Variants in MDN1 observed in about 807,000 individuals in gnomAD.
The protein encoded by MDN1 is midasin AAA ATPase 1, also known as midasin.
MDN1 carries 266 observed loss-of-function variants against 669.2 expected under a neutral mutation model. The ratio of observed to expected loss-of-function variants is 0.40; its 90% CI spans 0.36 to 0.44. MDN1 has a LOEUF of 0.44. Among genes scored for constraint, MDN1 ranks in the 20% least tolerant of loss-of-function variants. The pLI, the probability that MDN1 is intolerant of heterozygous loss-of-function variation, is 1.00. For synonymous variants in MDN1, 2,385 were observed against 2,457.1 expected, an observed-to-expected ratio of 0.97 and a Z score of 0.87; for missense variants, 5,940 against 6,754.0, an observed-to-expected ratio of 0.88 and a Z score of 4.22.
At chr6:89,791,417 T>C (rs1819262428) in intron 5 of MDN1, among the ~76,000 whole-genome samples, 1 of 152,180 alleles carries the variant, frequency 6.6e-6, no homozygotes. Context: ...TTTAGAGATA[T>C]ATACTGAAAT....
At chr6:89,683,642 G>A (rs1466300686) in intron 72 of MDN1, among the ~76,000 whole-genome samples, 189 bp downstream of exon 72, 1 of 152,078 alleles carries the variant, frequency 6.6e-6, no homozygotes, top group Non-Finnish European at 1.5e-5. Flanking sequence ...AATCCTTACT[G>A]CAGGTAGACT....
intron 11 of MDN1, among the ~76,000 whole-genome samples, chr6:89,778,887 AAAAT>A (rs548314772): frequency 4.1e-4 from 54 of 130,340 alleles, no homozygotes; most frequent in Admixed American, 1.2e-3. Context: ...CTATGTCTCA[AAAAT>A]AAATAAATAA....
chr6:89,792,210 G>A (rs1048840996), intron 5 of MDN1, among the ~76,000 whole-genome samples: 1 of 152,058 alleles, frequency 6.6e-6, no homozygotes, highest in Non-Finnish European at 1.5e-5. Context: ...TATACATGGG[G>A]GAAAAGGGGA....
intron 14 of MDN1, among the ~76,000 whole-genome samples, chr6:89,772,269 C>T (rs1818121540): frequency 6.6e-6 from 1 of 151,864 alleles, no homozygotes; most frequent in African/African-American, 2.4e-5. Flanking sequence ...ACAGTGCGAC[C>T]CTGTCTCAAA....
In MDN1 at chr6:89,725,245, C is replaced by A. The variant is rs1815139613; in HGVS notation, c.5624G>T (p.Gly1875Val). The change falls in exon 38 of 102, where the codon GGT becomes GTT. Residue 1875 changes from glycine (G) to valine (V), a missense_variant. Coordinates refer to ENST00000369393, the MANE Select transcript of MDN1 (RefSeq NM_014611.3). ...FGCQNPFRQG[G>V]GRKGLPRSFL... ...AGACCTGGGCAAGCCTTTCCTCCCA[C>A]CTCCTTGTCTAAAGGGATTCTGACA... 6.2e-7 allele frequency: 1 copy of A among 1,613,960 alleles called. No homozygotes were observed.
At chr6:89,799,345 A>C (rs1230543979) in intron 2 of MDN1, among the ~76,000 whole-genome samples, 4 of 152,266 alleles carry the variant, frequency 2.6e-5, no homozygotes, top group African/African-American at 9.6e-5. Flanking sequence ...AACTGTAACC[A>C]AGAAATTAAG....
At chr6:89,768,768 A>C (rs1379742292) in intron 15 of MDN1, among the ~76,000 whole-genome samples, 3 of 151,932 alleles carry the variant, frequency 2.0e-5, no homozygotes, top group African/African-American at 7.3e-5. Flanking sequence ...TTAAATAAAT[A>C]AATAAAATCC....
intron 9 of MDN1, among the ~76,000 whole-genome samples, chr6:89,781,947 G>A (rs1423274989): frequency 6.6e-6 from 1 of 151,998 alleles, no homozygotes; most frequent in East Asian, 1.9e-4. Context: ...ATCATGCCTA[G>A]GTGACAGAAC....
intron 61 of MDN1, among the ~76,000 whole-genome samples, chr6:89,694,884 C>A (rs1812627734): frequency 6.6e-6 from 1 of 152,072 alleles, no homozygotes; most frequent in Non-Finnish European, 1.5e-5. Context: ...AGATAGCAAG[C>A]ACCAATAAGT....
At chr6:89,815,800 T>C (rs1290092574) in intron 1 of MDN1, among the ~76,000 whole-genome samples, 3 of 152,058 alleles carry the variant, frequency 2.0e-5, no homozygotes, top group African/African-American at 7.2e-5. Context: ...ATCCACAGAG[T>C]CACTCGCCCA....
At chr6:89,762,234 T>C (rs1393942035) in intron 16 of MDN1, 85 bp downstream of exon 16, 5 of 1,128,778 alleles carry the variant, frequency 4.4e-6, no homozygotes, top group Non-Finnish European at 6.4e-6. Flanking sequence ...CCAATTTGTA[T>C]CGCTTTACTC....
At chr6:89,819,287 G>T (rs1200691796) in intron 1 of MDN1, among the ~76,000 whole-genome samples, 4 of 152,150 alleles carry the variant, frequency 2.6e-5, no homozygotes, top group Non-Finnish European at 5.9e-5. Flanking sequence ...GAAGGGTACT[G>T]GAAGGCTCCC....
chr6:89,645,243 T>C (rs911808363), intron 100 of MDN1, 86 bp from the exon 101 acceptor site: 7 of 1,426,504 alleles, frequency 4.9e-6, no homozygotes, highest in Non-Finnish European at 9.6e-7. Flanking sequence ...GACAAATTAG[T>C]GTAGGCTTTC....
chr6:89,759,898 C>A (rs1817450725), intron 17 of MDN1, among the ~76,000 whole-genome samples: 1 of 151,700 alleles, frequency 6.6e-6, no homozygotes, highest in South Asian at 2.1e-4. Context: ...ATGGCAAAAC[C>A]CCGTCTCTAC....
At position 89,714,766 on chromosome 6, in the gene MDN1, A is replaced by G. The variant is rs763033249; in HGVS notation, c.6861-15T>C. On this transcript the variant is annotated splice_polypyrimidine_tract_variant and intron_variant, in intron 45 of 101. Coordinates refer to ENST00000369393, the MANE Select transcript of MDN1 (RefSeq NM_014611.3). ...AGAGGAAAAGTCTAGAAAAATAGCA[A>G]TTCAAAGAAAAAAATGATTTTAAAT... The G allele has an allele frequency of 3.8e-6, 6 of 1,599,408 alleles. No individual in the cohort carries two copies. The African/African-American group carries it at 6.8e-5, about 18-fold the overall frequency.
intron 13 of MDN1, 113 bp downstream of exon 13, chr6:89,774,508 C>T (rs1818255073): frequency 6.8e-6 from 5 of 738,404 alleles, no homozygotes; most frequent in South Asian, 1.6e-5. Context: ...TAGCATACTA[C>T]AGATATCACA....
chr6:89,783,191 C>A (rs1282520356), intron 9 of MDN1, among the ~76,000 whole-genome samples: 1 of 152,134 alleles, frequency 6.6e-6, no homozygotes, highest in African/African-American at 2.4e-5. Context: ...AGCCTATCAA[C>A]AGATGTGCAA....
chr6:89,778,935 A>T (rs9362685), intron 11 of MDN1, among the ~76,000 whole-genome samples: 35,322 of 125,876 alleles, frequency 0.28, 5,142 homozygotes, highest in East Asian at 0.42. Context: ...AATAAATAAA[A>T]AAAAAGGTAT....
chr6:89,735,730 T>A (rs1455039282), intron 33 of MDN1, among the ~76,000 whole-genome samples: 4 of 152,086 alleles, frequency 2.6e-5, no homozygotes, highest in African/African-American at 4.8e-5. Context: ...TTAGTTAAAA[T>A]ATTAAATTCG....
Sources: allele counts gnomAD v4.1 joint callset (sites outside exome capture counted in the v4.1 genomes callset), GRCh38; gene constraint gnomAD v4.1.1; transcripts MANE v1.5; gene names NCBI Gene and HGNC (gene_info 2026-07-23, HGNC 2026-07-21).